PGM2L1: variants seen among roughly 807,000 people sequenced by gnomAD.
PGM2L1 encodes phosphoglucomutase 2 like 1.
Under a neutral mutation model 73.4 loss-of-function variants are expected in PGM2L1, and 35 were observed. The observed-to-expected ratio is 0.48, with a 90% CI of 0.36 to 0.63. The LOEUF (loss-of-function observed/expected upper bound fraction) is 0.63. Among genes scored for constraint, PGM2L1 ranks in the 30% least tolerant of loss-of-function variants. The pLI is 0.00. For missense variants in PGM2L1, 570 were observed against 742.0 expected, an observed-to-expected ratio of 0.77 and a Z score of 2.69; for synonymous variants, 225 against 253.8, an observed-to-expected ratio of 0.89 and a Z score of 1.08.
chr11:74,350,020 C>T (rs1862325598), intron 6 of PGM2L1, among the ~76,000 whole-genome samples: 1 of 151,984 alleles, frequency 6.6e-6, no homozygotes, highest in Admixed American at 6.6e-5. Context: ...ATGCCTTCAG[C>T]TTGATAAATA....
intron 5 of PGM2L1, among the ~76,000 whole-genome samples, chr11:74,360,159 G>A (rs1862533166): frequency 6.6e-6 from 1 of 152,122 alleles, no homozygotes; most frequent in Non-Finnish European, 1.5e-5. Context: ...GAACCTGGAA[G>A]GTTGAAGCTG....
chr11:74,374,019 G>C (rs1028983180), intron 2 of PGM2L1, among the ~76,000 whole-genome samples: 1 of 143,298 alleles, frequency 7.0e-6, no homozygotes, highest in Admixed American at 7.5e-5. Context: ...GTGTGTGTGT[G>C]CGTTTAGAAT....
intron 5 of PGM2L1, 80 bp from the exon 6 acceptor site, chr11:74,351,656 T>C (rs1862355745): frequency 7.7e-7 from 1 of 1,293,714 alleles, no homozygotes; most frequent in Admixed American, 2.5e-5. Flanking sequence ...GATCTTCAGC[T>C]TTATTAAAAA....
chr11:74,332,085 G>A lies in PGM2L1; in HGVS notation c.*4567C>T, dbSNP rs145068760. ...GAATTAAATTCATGCTGTGCAAGGAGTCAGACAATGAGCAATTCTCATCTT... is the reference window on the plus strand; with the variant it reads ...GAATTAAATTCATGCTGTGCAAGGAATCAGACAATGAGCAATTCTCATCTT... On this transcript the variant is annotated 3_prime_UTR_variant, in exon 14 of 14. Transcript: ENST00000298198. 6.6e-6 allele frequency: 1 copy of A among 152,326 alleles called. No homozygotes were observed. The highest frequency in any genetic ancestry group is 1.9e-4 in the East Asian group (1 of 5,192). 9.4% of individuals were successfully genotyped at this position (152,326 alleles called of 1,614,324 possible).
intron 1 of PGM2L1, among the ~76,000 whole-genome samples, chr11:74,396,218 A>G (rs1485595966): frequency 6.8e-6 from 1 of 148,012 alleles, no homozygotes. Flanking sequence ...CAGTGAGCGG[A>G]GATCGCGCCA....
intron 5 of PGM2L1, among the ~76,000 whole-genome samples, chr11:74,362,205 A>G (rs1862575369): frequency 6.6e-6 from 1 of 152,232 alleles, no homozygotes; most frequent in Non-Finnish European, 1.5e-5. Context: ...ATCTCTTGGC[A>G]GAAACTCTAC....
At chr11:74,353,432 G>C (rs1220719959) in intron 5 of PGM2L1, among the ~76,000 whole-genome samples, 1 of 151,802 alleles carries the variant, frequency 6.6e-6, no homozygotes, top group African/African-American at 2.4e-5. Flanking sequence ...AAGGTCAGCA[G>C]ATAAACATGT....
Position 74,333,345 on chromosome 11 carries a change from T to C in PGM2L1, c.*3307A>G, listed in dbSNP as rs958425547. On this transcript the variant is annotated 3_prime_UTR_variant, in exon 14 of 14. Transcript: ENST00000298198. ...GAGAACACTATGGCATAGTATTTCT[T>C]ACTTTGAACCCTTCAATAAAAGACT... 6.6e-6 allele frequency: 1 copy of C among 152,220 alleles called. No individual in the cohort carries two copies. The highest frequency in any genetic ancestry group is 1.5e-5 in the Non-Finnish European group (1 of 68,020). 9.4% of individuals were successfully genotyped at this position (152,220 alleles called of 1,614,324 possible). A position where few individuals can be genotyped will look rare whatever the true frequency, so the allele number is the denominator to read the frequency against.
chr11:74,343,218 T>C (rs1476112091), intron 10 of PGM2L1, 105 bp downstream of exon 10: 3 of 1,404,976 alleles, frequency 2.1e-6, no homozygotes, highest in East Asian at 5.1e-5. Context: ...CTCTGTAGTT[T>C]TTACAACTCA....
intron 5 of PGM2L1, among the ~76,000 whole-genome samples, chr11:74,367,536 T>C (rs1862679569): frequency 6.6e-6 from 1 of 152,192 alleles, no homozygotes; most frequent in African/African-American, 2.4e-5. Flanking sequence ...CTTCTTCCCT[T>C]CCTTTAAAGT....
At chr11:74,338,369 G>A (rs552284962) in intron 13 of PGM2L1, 99 bp downstream of exon 13, 15 of 1,133,820 alleles carry the variant, frequency 1.3e-5, no homozygotes, top group African/African-American at 1.5e-5. Context: ...CATACTAAAA[G>A]CCACTGAATT....
intron 1 of PGM2L1, among the ~76,000 whole-genome samples, chr11:74,377,978 A>C (rs1862881646): frequency 6.6e-6 from 1 of 151,626 alleles, no homozygotes; most frequent in South Asian, 2.1e-4. Flanking sequence ...AGACAGTAGG[A>C]AAACTATTTG....
At chr11:74,353,793 C>T (rs1486817464) in intron 5 of PGM2L1, among the ~76,000 whole-genome samples, 1 of 74,974 alleles carries the variant, frequency 1.3e-5, no homozygotes, top group Admixed American at 1.5e-4. Context: ...ACTTCCCCCA[C>T]TTCCACTAGA....
At chr11:74,353,862 A>ACAGGG in intron 5 of PGM2L1, among the ~76,000 whole-genome samples, 1 of 98,744 alleles carries the variant, frequency 1.0e-5, no homozygotes, top group Non-Finnish European at 2.1e-5. Flanking sequence ...CACCTCCCAG[A>ACAGGG]TGGGGTGGCT....
intron 6 of PGM2L1, among the ~76,000 whole-genome samples, chr11:74,348,312 A>T (rs574567529): frequency 6.6e-6 from 1 of 152,310 alleles, no homozygotes; most frequent in Admixed American, 6.5e-5. Context: ...CCCATAAAAA[A>T]TACAATTTAT....
chr11:74,391,396 G>C (rs989415106), intron 1 of PGM2L1, among the ~76,000 whole-genome samples: 1 of 151,614 alleles, frequency 6.6e-6, no homozygotes, highest in Non-Finnish European at 1.5e-5. Context: ...TTTTCATCTA[G>C]GATTTCTTTA....
At chr11:74,355,120 G>A in intron 5 of PGM2L1, 6 of 1,306,862 alleles carry the variant, frequency 4.6e-6, no homozygotes, top group Non-Finnish European at 5.5e-6. Context: ...TTCAGTGGTT[G>A]TGGTGGCTTT....
chr11:74,346,735 T>A lies in PGM2L1; in HGVS notation c.1034A>T (p.Glu345Val), dbSNP rs1862272560. The A allele has an allele frequency of 6.2e-7, 1 of 1,611,926 alleles. No homozygotes were observed. Among genetic ancestry groups the A allele is most frequent in the African/African-American group, 1.3e-5 (1 of 74,880 alleles). The change falls in exon 8 of 14, where the codon GAG (glutamate) becomes GTG (valine). Residue 345 changes from glutamate to valine, a missense_variant. Transcript: ENST00000298198. ...TCAAATAACAGATTCTACATACTTC[T>A]CCTGAAGTTCTGCTGCTGCCAGTCT... ...ADRLAAAELQ[E>V]NGCWKVFTGN...
intron 2 of PGM2L1, among the ~76,000 whole-genome samples, chr11:74,372,631 G>T (rs1862786021): frequency 6.6e-6 from 1 of 152,022 alleles, no homozygotes; most frequent in Non-Finnish European, 1.5e-5. Context: ...TTTCTAATTT[G>T]GTCTCTTTCA....
Sources: allele counts gnomAD v4.1 joint callset (sites outside exome capture counted in the v4.1 genomes callset), GRCh38; gene constraint gnomAD v4.1.1; transcripts MANE v1.5; gene names NCBI Gene and HGNC (gene_info 2026-07-23, HGNC 2026-07-21).